CNTNAP2: variants seen among roughly 807,000 people sequenced by gnomAD.
CNTNAP2 encodes contactin associated protein 2, also known as contactin-associated protein-like 2.
A neutral mutation model predicts 155.2 loss-of-function variants in CNTNAP2; 98 were observed. That is an observed-to-expected ratio of 0.63 (90% confidence interval 0.54 to 0.75). The LOEUF is 0.75. Among genes scored for constraint, CNTNAP2 ranks in the 30% least tolerant of loss-of-function variants. The pLI, the probability that CNTNAP2 is intolerant of heterozygous loss-of-function variation, is 0.00. For missense variants in CNTNAP2, 1,727 were observed against 1,688.1 expected, an observed-to-expected ratio of 1.02 and a Z score of -0.40; for synonymous variants, 651 against 631.2, an observed-to-expected ratio of 1.03 and a Z score of -0.47.
At chr7:147,342,042 T>C (rs1795773395) in intron 9 of CNTNAP2, among the ~76,000 whole-genome samples, 1 of 152,086 alleles carries the variant, frequency 6.6e-6, no homozygotes, top group Non-Finnish European at 1.5e-5. Flanking sequence ...CTCTTCCCGG[T>C]TTACAGATGG....
In CNTNAP2 at chr7:147,390,795, T is replaced by C. The variant is rs77865938; in HGVS notation, c.1499-4814T>C. Among the ~76,000 whole-genome samples, 79 of 152,282 alleles carry C rather than the reference T, an allele frequency of 5.2e-4. No individual in the cohort carries two copies. The East Asian group carries it at 0.015, about 29-fold the overall frequency. On this transcript the variant is annotated intron_variant, in intron 9 of 23. Coordinates refer to ENST00000361727, the MANE Select transcript of CNTNAP2 (RefSeq NM_014141.6). ...GTGTGGGAGGGAACTATACAGGCCG[T>C]AAATATTAGGAGGTATTTAAAATAA... is the stretch of plus-strand genomic sequence containing the variant.
intron 10 of CNTNAP2, among the ~76,000 whole-genome samples, chr7:147,461,626 T>C (rs1478848518): frequency 6.6e-6 from 1 of 152,182 alleles, no homozygotes; most frequent in East Asian, 1.9e-4. Flanking sequence ...TAGTCCAGCT[T>C]TGGGGGCATT....
chr7:147,277,675 C>T (rs555588627), intron 8 of CNTNAP2, among the ~76,000 whole-genome samples: 8 of 151,766 alleles, frequency 5.3e-5, no homozygotes, highest in African/African-American at 1.4e-4. Flanking sequence ...ATGATTTACT[C>T]GTATTATAGT....
intron 13 of CNTNAP2, among the ~76,000 whole-genome samples, chr7:147,895,124 C>T (rs1248726833): frequency 6.6e-6 from 1 of 151,682 alleles, no homozygotes; most frequent in Admixed American, 6.6e-5. Flanking sequence ...CAGGTGCACA[C>T]CACCACAGCT....
intron 4 of CNTNAP2, among the ~76,000 whole-genome samples, chr7:147,085,535 C>T (rs1371584863): frequency 1.3e-5 from 2 of 152,162 alleles, no homozygotes; most frequent in Non-Finnish European, 2.9e-5. Context: ...CCAACCTGTC[C>T]GTGGAAAAAT....
intron 1 of CNTNAP2, among the ~76,000 whole-genome samples, chr7:146,731,571 A>G (rs1332351021): frequency 6.6e-6 from 1 of 152,132 alleles, no homozygotes; most frequent in East Asian, 1.9e-4. Context: ...TAAATCTAAA[A>G]AATGATCTGT....
At chr7:147,776,364 G>A (rs1429197350) in intron 13 of CNTNAP2, among the ~76,000 whole-genome samples, 1 of 151,082 alleles carries the variant, frequency 6.6e-6, no homozygotes. Context: ...GAAAAAAAAT[G>A]AATGAAGAGG....
intron 18 of CNTNAP2, among the ~76,000 whole-genome samples, chr7:148,206,961 C>T (rs565234010): frequency 6.6e-6 from 1 of 152,306 alleles, no homozygotes; most frequent in South Asian, 2.1e-4. Flanking sequence ...CCATCCTTCC[C>T]GCCTCCTGCT....
intron 1 of CNTNAP2, among the ~76,000 whole-genome samples, chr7:146,761,785 A>T (rs547762493): frequency 6.6e-6 from 1 of 151,694 alleles, no homozygotes; most frequent in African/African-American, 2.4e-5. Flanking sequence ...TGGGTAATTT[A>T]TTTTTCTCTA....
At chr7:148,060,524 T>C (rs1190021432) in intron 15 of CNTNAP2, among the ~76,000 whole-genome samples, 1 of 152,208 alleles carries the variant, frequency 6.6e-6, no homozygotes, top group African/African-American at 2.4e-5. Flanking sequence ...CCTTTATCTA[T>C]TAGAATTTTC....
At chr7:146,372,877 G>A (rs903770215) in intron 1 of CNTNAP2, among the ~76,000 whole-genome samples, 12 of 152,160 alleles carry the variant, frequency 7.9e-5, no homozygotes, top group African/African-American at 2.9e-4. Flanking sequence ...TTGTATAAGA[G>A]ACAATAGAAC....
At chr7:146,439,479 A>G (rs762278259) in intron 1 of CNTNAP2, among the ~76,000 whole-genome samples, 5 of 151,282 alleles carry the variant, frequency 3.3e-5, no homozygotes, top group African/African-American at 4.9e-5. Flanking sequence ...TCCTCCTGGT[A>G]TTATATATGT....
intron 1 of CNTNAP2, among the ~76,000 whole-genome samples, chr7:146,303,606 T>C (rs1800653822): frequency 1.3e-5 from 2 of 152,178 alleles, no homozygotes; most frequent in African/African-American, 2.4e-5. Flanking sequence ...TCCTGAGTTC[T>C]AGTTTGATTG....
chr7:147,210,885 A>T (rs1340739396), intron 8 of CNTNAP2, among the ~76,000 whole-genome samples: 2 of 151,924 alleles, frequency 1.3e-5, no homozygotes, highest in Non-Finnish European at 2.9e-5. Flanking sequence ...TGTAGTTTTG[A>T]GGGATTTTCT....
chr7:146,141,104 A>AG (rs532931470), intron 1 of CNTNAP2, among the ~76,000 whole-genome samples: 2 of 152,204 alleles, frequency 1.3e-5, no homozygotes, highest in Non-Finnish European at 2.9e-5. Flanking sequence ...GTGTCAGTGG[A>AG]GGAAACGTAC....
chr7:147,518,547 A>G (rs1799172449), intron 11 of CNTNAP2, among the ~76,000 whole-genome samples: 1 of 152,254 alleles, frequency 6.6e-6, no homozygotes, highest in Admixed American at 6.5e-5. Flanking sequence ...TTTCTAGATC[A>G]GAAACATTTT....
intron 1 of CNTNAP2, among the ~76,000 whole-genome samples, chr7:146,659,298 G>A (rs1800046444): frequency 6.6e-6 from 1 of 152,156 alleles, no homozygotes; most frequent in Non-Finnish European, 1.5e-5. Flanking sequence ...AAATGGTCAA[G>A]GAAGGTTAAT....
At chr7:148,113,465 G>C (rs1804400137) in intron 15 of CNTNAP2, among the ~76,000 whole-genome samples, 1 of 152,164 alleles carries the variant, frequency 6.6e-6, no homozygotes, top group Admixed American at 6.5e-5. Flanking sequence ...CACAACATTG[G>C]GGGTTACAAT....
intron 1 of CNTNAP2, among the ~76,000 whole-genome samples, chr7:146,275,223 T>A (rs1800145525): frequency 6.6e-6 from 1 of 152,206 alleles, no homozygotes; most frequent in Non-Finnish European, 1.5e-5. Context: ...ATATTCATCA[T>A]CTCAAAAATT....
Sources: gnomAD v4.1 joint callset for allele counts (sites outside exome capture counted in the v4.1 genomes callset) on GRCh38, gnomAD v4.1.1 for gene constraint, MANE v1.5 for transcripts, NCBI Gene and HGNC (gene_info 2026-07-23, HGNC 2026-07-21) for gene names.